The following DAB1 variants were observed in gnomAD, a reference collection of about 807,000 sequenced individuals.
DAB1 encodes the protein disabled homolog 1.
DAB1 carries 15 observed loss-of-function variants against 64.6 expected under a neutral mutation model. That is an observed-to-expected ratio of 0.23 (90% CI 0.16 to 0.36). The LOEUF (loss-of-function observed/expected upper bound fraction) is 0.36. Ranked by LOEUF, DAB1 falls within the 10% of genes least tolerant of loss-of-function variation. DAB1 has a pLI of 1.00. For synonymous variants in DAB1, 235 were observed against 251.9 expected (o/e 0.93, Z 0.64); for missense variants, 596 against 706.7 (o/e 0.84, Z 1.78).
At chr1:58,269,431 T>G (rs1369983705) in intron 4 of DAB1, among the ~76,000 whole-genome samples, 2 of 150,482 alleles carry the variant, frequency 1.3e-5, no homozygotes, top group South Asian at 4.3e-4. Flanking sequence ...ACATTTGGGT[T>G]GGTTCCAAGT....
chr1:58,240,321 G>A (rs1485746749), intron 4 of DAB1, among the ~76,000 whole-genome samples: 1 of 152,160 alleles, frequency 6.6e-6, no homozygotes, highest in Admixed American at 6.5e-5. Context: ...AAAGAAATGG[G>A]CAGGCCTTCT....
At chr1:58,366,822 A>G (rs1644221756) in intron 3 of DAB1, among the ~76,000 whole-genome samples, 1 of 152,230 alleles carries the variant, frequency 6.6e-6, no homozygotes, top group Admixed American at 6.5e-5. Context: ...CACTTGAAAA[A>G]GGCAGCACTG....
intron 4 of DAB1, among the ~76,000 whole-genome samples, chr1:57,091,699 T>C (rs1240596850): frequency 6.6e-6 from 1 of 152,172 alleles, no homozygotes; most frequent in Non-Finnish European, 1.5e-5. Context: ...TGCTAAAGAT[T>C]TATCTTTTCT....
intron 9 of DAB1, among the ~76,000 whole-genome samples, chr1:57,061,228 TG>T (rs5774326): frequency 0.37 from 42,786 of 114,188 alleles, 6,047 homozygotes; most frequent in Middle Eastern, 0.5. Flanking sequence ...CATATTTAGA[TG>T]GGGGGGGGGG....
At chr1:58,455,948 C>A (rs1645189425) in intron 3 of DAB1, among the ~76,000 whole-genome samples, 1 of 152,236 alleles carries the variant, frequency 6.6e-6, no homozygotes, top group South Asian at 2.1e-4. Context: ...GGCTCCGAGT[C>A]AGCCCAGAGC....
chr1:57,370,365 C>T (rs972532125), intron 1 of DAB1, among the ~76,000 whole-genome samples: 1 of 152,146 alleles, frequency 6.6e-6, no homozygotes, highest in Non-Finnish European at 1.5e-5. Flanking sequence ...TGCAGCTTTG[C>T]CAGTCACCGA....
intron 5 of DAB1, among the ~76,000 whole-genome samples, chr1:58,079,160 C>T (rs1649830265): frequency 2.0e-5 from 3 of 152,160 alleles, no homozygotes; most frequent in Non-Finnish European, 4.4e-5. Flanking sequence ...ACAAAGTAGA[C>T]GTGGGTTAGA....
intron 5 of DAB1, among the ~76,000 whole-genome samples, chr1:58,066,382 C>T (rs920286208): frequency 1.3e-5 from 2 of 152,176 alleles, no homozygotes; most frequent in African/African-American, 4.8e-5. Flanking sequence ...TTAAAACTCT[C>T]ATAAACTTTT....
intron 2 of DAB1, among the ~76,000 whole-genome samples, chr1:57,164,665 G>A (rs1209299016): frequency 1.3e-5 from 2 of 152,262 alleles, no homozygotes; most frequent in South Asian, 4.2e-4. Context: ...CTGGCTAAGA[G>A]GAAGCCAATC....
chr1:57,798,578 C>T (rs1486480242), intron 6 of DAB1, among the ~76,000 whole-genome samples: 1 of 152,214 alleles, frequency 6.6e-6, no homozygotes, highest in African/African-American at 2.4e-5. Context: ...TGGAATATTA[C>T]ATTCATGTGG....
At chr1:57,743,557 G>A (rs1017366688) in intron 6 of DAB1, among the ~76,000 whole-genome samples, 13 of 152,188 alleles carry the variant, frequency 8.5e-5, no homozygotes, top group Non-Finnish European at 1.8e-4. Flanking sequence ...ACGGATGCGC[G>A]TGAAAGGTAC....
intron 4 of DAB1, among the ~76,000 whole-genome samples, chr1:58,252,644 C>T (rs1400138432): frequency 6.6e-6 from 1 of 152,146 alleles, no homozygotes. Context: ...ACTGCTACCA[C>T]AGAAACTCAA....
chr1:58,169,108 G>A (rs1408396979), intron 4 of DAB1, among the ~76,000 whole-genome samples: 1 of 152,184 alleles, frequency 6.6e-6, no homozygotes, highest in Non-Finnish European at 1.5e-5. Context: ...ACTGCTGCAG[G>A]TTCTTGGGCC....
chr1:57,214,390 T>C (rs1396650731), intron 2 of DAB1, among the ~76,000 whole-genome samples: 1 of 152,192 alleles, frequency 6.6e-6, no homozygotes, highest in Non-Finnish European at 1.5e-5. Flanking sequence ...CAACTGCCCT[T>C]TGGTTTGAGG....
chr1:57,123,084 CTTAAA>C (rs1238879658), intron 4 of DAB1, among the ~76,000 whole-genome samples: 3 of 151,994 alleles, frequency 2.0e-5, no homozygotes, highest in Admixed American at 6.6e-5. Context: ...GATCAGAAAT[CTTAAA>C]TTATAGTAAT....
intron 5 of DAB1, among the ~76,000 whole-genome samples, chr1:57,907,611 G>A (rs904108607): frequency 6.6e-6 from 1 of 152,114 alleles, no homozygotes; most frequent in African/African-American, 2.4e-5. Context: ...TAGTAGTGAT[G>A]AGAAATCTGA....
chr1:58,036,461 G>A (rs767602259), intron 5 of DAB1, among the ~76,000 whole-genome samples: 2 of 152,150 alleles, frequency 1.3e-5, no homozygotes, highest in South Asian at 4.1e-4. Context: ...GCTTATTGGA[G>A]GCTAAGTTCT....
chr1:58,346,041 G>T (rs531686411), intron 3 of DAB1, among the ~76,000 whole-genome samples: 182 of 152,264 alleles, frequency 1.2e-3, no homozygotes, highest in African/African-American at 4.3e-3. Flanking sequence ...AGAAAGCGAT[G>T]GGACTCCATC....
chr1:57,354,822 G>T (rs1678929906), intron 1 of DAB1, among the ~76,000 whole-genome samples: 1 of 152,096 alleles, frequency 6.6e-6, no homozygotes, highest in Admixed American at 6.5e-5. Context: ...TGAATCAACT[G>T]TCAATGGTTG....
Sources: allele counts gnomAD v4.1 joint callset (sites outside exome capture counted in the v4.1 genomes callset), GRCh38; gene constraint gnomAD v4.1.1; transcripts MANE v1.5; gene names NCBI Gene and HGNC (gene_info 2026-07-23, HGNC 2026-07-21).